The following RNF32 variants were observed in gnomAD, a reference collection of about 807,000 sequenced individuals.
RNF32 encodes the protein ring finger protein 32.
Under a neutral mutation model 41.0 loss-of-function variants are expected in RNF32, and 36 were observed. The observed-to-expected ratio is 0.88, with a 90% CI of 0.67 to 1.16. RNF32 has a LOEUF of 1.16. Among genes scored for constraint, RNF32 ranks in the 50% most tolerant of loss-of-function variants. RNF32 has a pLI of 0.00. For missense variants in RNF32, 413 were observed against 436.7 expected (o/e 0.95, Z 0.48); for synonymous variants, 154 against 160.9 (o/e 0.96, Z 0.32).
intron 5 of RNF32, 83 bp downstream of exon 5, chr7:156,657,656 CTA>C: frequency 7.8e-7 from 1 of 1,288,348 alleles, no homozygotes; most frequent in Non-Finnish European, 1.1e-6. Flanking sequence ...TTCAAGGCTC[CTA>C]AGGAGAGCCA....
chr7:156,672,467 C>A (rs956059830), intron 7 of RNF32, among the ~76,000 whole-genome samples: 1 of 152,144 alleles, frequency 6.6e-6, no homozygotes, highest in African/African-American at 2.4e-5. Flanking sequence ...ATCAATAGGG[C>A]CACTTAGGAG....
At chr7:156,662,851 T>C (rs1800841375) in intron 7 of RNF32, among the ~76,000 whole-genome samples, 1 of 150,196 alleles carries the variant, frequency 6.7e-6, no homozygotes, top group South Asian at 2.1e-4. Context: ...GCCATTCTTT[T>C]TTTTTTTTTT....
chr7:156,676,507 C>G lies in RNF32; in HGVS notation c.941C>G (p.Ser314Cys). Residue 314 changes from serine to cysteine, a missense_variant, in exon 9 of 9, where the codon TCC (serine) becomes TGC (cysteine). Ser to Cys is a moderately radical substitution (Grantham distance 112). Coordinates refer to ENST00000317955, the MANE Select transcript of RNF32 (RefSeq NM_030936.4). The part of the protein sequence containing the change: ...GGQRVGAGRR[S>C]REMALLSCSH... ...CAGCGCGTGGGTGCAGGCAGGCGTT[C>G]CAGAGAGATGGCCCTCCTGTCCTGC... 1.2e-6 allele frequency: 2 copies of G among 1,614,040 alleles called. No homozygotes were observed. Among genetic ancestry groups the G allele is most frequent in the Non-Finnish European group, 1.7e-6 (2 of 1,179,938 alleles).
chr7:156,670,522 C>CCACAGATTTAAGAAGCCCAAGG lies in RNF32; in HGVS notation c.685-5173_685-5152dup, dbSNP rs1802255011. On this transcript the variant is annotated intron_variant, in intron 7 of 8. Coordinates refer to ENST00000317955, the MANE Select transcript of RNF32 (RefSeq NM_030936.4). This position sits in a 1 kb window ranked among gnomAD's most constrained non-coding sequence, Gnocchi z 4.3. ...TTTCCAGATCTGAAGAAGATACAAG[C>CCACAGATTTAAGAAGCCCAAGG]CACAGATTTAAGAAGCCCAAGGAAG... 6.6e-6 allele frequency among the ~76,000 whole-genome samples: 1 copy of CCACAGATTTAAGAAGCCCAAGG among 152,188 alleles called. No individual in the cohort carries two copies. Among genetic ancestry groups the CCACAGATTTAAGAAGCCCAAGG allele is most frequent in the Admixed American group, 6.5e-5 (1 of 15,276 alleles).
chr7:156,663,035 C>T (rs1335806864), intron 7 of RNF32, among the ~76,000 whole-genome samples: 1 of 151,962 alleles, frequency 6.6e-6, no homozygotes, highest in Admixed American at 6.6e-5. Flanking sequence ...GAGGTTTCAC[C>T]ATGTTAGCCA....
chr7:156,656,243 C>G (rs1799654655), intron 4 of RNF32, among the ~76,000 whole-genome samples: 1 of 152,214 alleles, frequency 6.6e-6, no homozygotes, highest in Non-Finnish European at 1.5e-5. Flanking sequence ...GAATCCAATC[C>G]TAACTTCTAG....
intron 7 of RNF32, among the ~76,000 whole-genome samples, chr7:156,664,091 T>C (rs888298580): frequency 1.3e-5 from 2 of 152,236 alleles, no homozygotes; most frequent in African/African-American, 4.8e-5. Flanking sequence ...AGCCTGGATC[T>C]CAGATTCTGC....
At chr7:156,664,212 A>G (rs1801033022) in intron 7 of RNF32, among the ~76,000 whole-genome samples, 1 of 152,260 alleles carries the variant, frequency 6.6e-6, no homozygotes, top group Non-Finnish European at 1.5e-5. Context: ...CTGTAATCCC[A>G]GCACTTTGGG....
In RNF32 at chr7:156,670,434, T is replaced by C. The variant is rs1308833679; in HGVS notation, c.685-5262T>C. 6.6e-6 allele frequency among the ~76,000 whole-genome samples: 1 copy of C among 152,122 alleles called. No homozygotes were observed. The highest frequency in any genetic ancestry group is 1.5e-5 in the Non-Finnish European group (1 of 68,038). On this transcript the variant is annotated intron_variant, in intron 7 of 8. Coordinates refer to ENST00000317955, the MANE Select transcript of RNF32 (RefSeq NM_030936.4). The surrounding 1 kb of genome is among the most constrained non-coding windows in gnomAD (Gnocchi z 4.3). ...GTGGCGCAGGATGTCACTGTCAGAA[T>C]TTGAAGAGAAAAGAGAACACGTGGG...
chr7:156,659,319 C>G, intron 7 of RNF32: 4 of 991,014 alleles, frequency 4.0e-6, no homozygotes, highest in Non-Finnish European at 4.8e-6. Flanking sequence ...AACTCCTTTC[C>G]TAGAATATGG....
intron 3 of RNF32, among the ~76,000 whole-genome samples, chr7:156,648,729 T>C (rs567030429): frequency 1.5e-3 from 227 of 152,360 alleles, no homozygotes; most frequent in South Asian, 5.4e-3. Context: ...GTTCTTTGCA[T>C]ATTCTACATA....
At position 156,676,535 on chromosome 7, in the gene RNF32, A is replaced by T; in HGVS notation, c.969A>T (p.Ser323=). The change falls in exon 9 of 9, where the codon TCA becomes TCT. Residue 323 remains serine (S), a synonymous_variant. Transcript: ENST00000317955. ...GAGAGATGGCCCTCCTGTCCTGCTC[A>T]CATGTGTTCCACCATGCGTGTCTGC... ...RSREMALLSC[S]HVFHHACLLA... The T allele has an allele frequency of 6.2e-7, 1 of 1,614,096 alleles. No individual in the cohort carries two copies. Among genetic ancestry groups the T allele is most frequent in the Non-Finnish European group, 8.5e-7 (1 of 1,179,980 alleles).
At chr7:156,663,308 G>C (rs762824765) in intron 7 of RNF32, among the ~76,000 whole-genome samples, 3 of 152,138 alleles carry the variant, frequency 2.0e-5, no homozygotes, top group Non-Finnish European at 4.4e-5. Flanking sequence ...AATAACACAT[G>C]AAAACAAAAT....
At chr7:156,646,584 A>G (rs1166539966) in intron 3 of RNF32, 1 of 1,076,246 alleles carries the variant, frequency 9.3e-7, no homozygotes, top group African/African-American at 1.6e-5. Flanking sequence ...TTGAGATGAC[A>G]CAATTCAACC....
chr7:156,676,241 G>GTC, intron 8 of RNF32, 178 bp from the exon 9 acceptor site: 1 of 1,492,848 alleles, frequency 6.7e-7, no homozygotes, highest in Non-Finnish European at 8.9e-7. Context: ...GAGTATATGT[G>GTC]TGTGTATATA....
chr7:156,647,185 T>A (rs981679022), intron 3 of RNF32, among the ~76,000 whole-genome samples: 1 of 151,874 alleles, frequency 6.6e-6, no homozygotes, highest in Non-Finnish European at 1.5e-5. Context: ...GTTTTTTGTG[T>A]GTGTTTCTTC....
intron 3 of RNF32, among the ~76,000 whole-genome samples, chr7:156,649,992 G>A (rs752494898): frequency 3.3e-5 from 5 of 150,884 alleles, no homozygotes; most frequent in African/African-American, 4.9e-5. Context: ...AAAAGTTTGG[G>A]GAAACTCACT....
At chr7:156,649,259 TATC>T (rs1798385188) in intron 3 of RNF32, among the ~76,000 whole-genome samples, 1 of 152,198 alleles carries the variant, frequency 6.6e-6, no homozygotes, top group African/African-American at 2.4e-5. Context: ...TTTACAGTGT[TATC>T]ATCTGATCCA....
intron 7 of RNF32, among the ~76,000 whole-genome samples, chr7:156,672,386 C>A (rs1047506830): frequency 6.6e-6 from 1 of 152,144 alleles, no homozygotes; most frequent in African/African-American, 2.4e-5. Flanking sequence ...GAGATAGGAC[C>A]TGTATGCCAC....
Sources: gnomAD v4.1 joint callset for allele counts (sites outside exome capture counted in the v4.1 genomes callset) on GRCh38, gnomAD v4.1.1 for gene constraint, Gnocchi (gnomAD v3.1) non-coding constraint, MANE v1.5 for transcripts, NCBI Gene and HGNC (gene_info 2026-07-23, HGNC 2026-07-21) for gene names.